ATM: variants seen among roughly 807,000 people sequenced by gnomAD.
ATM encodes the protein ATM serine/threonine kinase, also known as serine-protein kinase ATM.
ATM carries 308 observed loss-of-function variants against 387.0 expected under a neutral mutation model. The ratio of observed to expected loss-of-function variants is 0.80; its 90% CI spans 0.73 to 0.87. ATM has a LOEUF of 0.87. ATM is among the 40% of genes least tolerant of loss of function. The pLI is 0.00. For synonymous variants in ATM, 1,156 were observed against 1,187.3 expected (o/e 0.97, Z 0.54); for missense variants, 3,312 against 3,560.9 (o/e 0.93, Z 1.78).
intron 15 of ATM, among the ~76,000 whole-genome samples, chr11:108,258,290 A>T (rs1465356117): frequency 6.6e-6 from 1 of 152,256 alleles, no homozygotes. Flanking sequence ...TGAGTTTCTC[A>T]TGAAACTAAT....
intron 45 of ATM, among the ~76,000 whole-genome samples, chr11:108,321,655 C>T (rs746760631): frequency 1.3e-5 from 2 of 151,834 alleles, no homozygotes; most frequent in East Asian, 1.9e-4. Flanking sequence ...TGGTGGTGGG[C>T]GCCTGTAATC....
At chr11:108,273,328 A>ATTTTTTTTTTTTTTTTTTT (rs2081718897) in intron 22 of ATM, among the ~76,000 whole-genome samples, 1 of 106,404 alleles carries the variant, frequency 9.4e-6, no homozygotes, top group African/African-American at 4.2e-5. Flanking sequence ...TATTAATTTC[A>ATTTTTTTTTTTTTTTTTTT]TTCTTTTTTT....
intron 16 of ATM, among the ~76,000 whole-genome samples, chr11:108,261,726 A>C (rs1431904314): frequency 6.6e-6 from 1 of 152,036 alleles, no homozygotes; most frequent in African/African-American, 2.4e-5. Flanking sequence ...AAGAAGTTGA[A>C]AACTTTGAAA....
chr11:108,353,725 A>C, intron 59 of ATM, 41 bp from the exon 60 acceptor site: 1 of 1,465,360 alleles, frequency 6.8e-7, no homozygotes, highest in Non-Finnish European at 9.6e-7. Context: ...AAAGTAAATT[A>C]GCTGTCAAAC....
intron 22 of ATM, 63 bp downstream of exon 22, chr11:108,272,915 T>C (rs1310195003): frequency 1.8e-5 from 29 of 1,597,438 alleles, no homozygotes; most frequent in South Asian, 6.6e-5. Flanking sequence ...ATGTCTTACA[T>C]AGTAACAGCT....
In ATM at chr11:108,268,315, CT is replaced by C. The variant is rs4987970; in HGVS notation, c.2639-87del. ...TCACTATAATTTTGCTTTTCATATA[CT>C]TTTTTTTGTGAAGAGGAGGAAATTT... On this transcript the variant is annotated intron_variant, in intron 17 of 62. Coordinates refer to ENST00000675843, the MANE Select transcript of ATM (RefSeq NM_000051.4). The C allele has an allele frequency of 2.8e-3, 3,383 of 1,200,396 alleles. 78 individuals carry two copies. In the African/African-American group the frequency reaches 0.043, roughly 15 times the overall value. The allele number at this position is 1,200,396 out of a possible 1,614,324, so 74.4% of individuals were successfully genotyped here.
intron 13 of ATM, 131 bp from the exon 14 acceptor site, chr11:108,256,084 A>T: frequency 1.3e-6 from 1 of 772,632 alleles, no homozygotes; most frequent in South Asian, 2.2e-5. Context: ...GCTATCCAGG[A>T]TATGCCACCT....
intron 43 of ATM, 94 bp downstream of exon 43, chr11:108,317,615 TTATATATATATATATATATATATA>T (rs376158749): frequency 1.5e-4 from 33 of 215,236 alleles, no homozygotes; most frequent in Non-Finnish European, 2.1e-4. Flanking sequence ...AGGAGTTGTT[TTATATATATATATATATATATATA>T]TATATATATA....
chr11:108,227,912 C>G (rs2078827674), intron 3 of ATM, 24 bp downstream of exon 3: 1 of 1,557,562 alleles, frequency 6.4e-7, no homozygotes. Flanking sequence ...ATTTATTTTA[C>G]TGTCTTTATT....
rs1469259085 is a variant in ATM, at chr11:108,279,483, G to A, written c.3285-8G>A. 2 of 1,580,076 alleles carry A rather than the reference G, an allele frequency of 1.3e-6. No individual in the cohort carries two copies. The highest frequency in any genetic ancestry group is 1.7e-6 in the Non-Finnish European group (2 of 1,152,854). On this transcript the variant is annotated splice_region_variant and splice_polypyrimidine_tract_variant and intron_variant, in intron 22 of 62. Coordinates refer to ENST00000675843, the MANE Select transcript of ATM (RefSeq NM_000051.4). ...TTTTTGTTTGTTTGTTTGCTTGCTT[G>A]TTTTAAGATTGTTCCAGGACACGAA... is the stretch of plus-strand genomic sequence containing the variant.
chr11:108,347,452 A>T, intron 59 of ATM, 87 bp downstream of exon 59: 1 of 1,113,588 alleles, frequency 9.0e-7, no homozygotes, highest in Non-Finnish European at 1.3e-6. Context: ...TATTACAAAT[A>T]TAAGAGACAG....
chr11:108,226,080 C>G (rs1052295584), intron 1 of ATM: 5 of 152,082 alleles, frequency 3.3e-5, no homozygotes, highest in Non-Finnish European at 5.9e-5. Flanking sequence ...TAATAAAAAA[C>G]TTCTTTGTAT....
In ATM at chr11:108,324,297, A is replaced by C. The variant is rs568258226; in HGVS notation, c.6573-1013A>C. On this transcript the variant is annotated intron_variant, in intron 45 of 62. Coordinates refer to ENST00000675843, the MANE Select transcript of ATM (RefSeq NM_000051.4). ...GGGACTTTGAACATCAGCATTATCA[A>C]GGTGTCTTGGAACCAATTTTCTGCA... Among the ~76,000 whole-genome samples the C allele has an allele frequency of 1.8e-3, 271 of 152,298 alleles. 10 individuals are homozygous for C. In the South Asian group the frequency reaches 0.031, roughly 17 times the overall value.
At chr11:108,270,954 A>T in intron 18 of ATM, 110 bp from the exon 19 acceptor site, 2 of 872,204 alleles carry the variant, frequency 2.3e-6, no homozygotes, top group Non-Finnish European at 3.7e-6. Flanking sequence ...TCAGCCTCCC[A>T]AAGTGCTGGG....
chr11:108,283,406 T>C (rs2082333692), intron 25 of ATM, among the ~76,000 whole-genome samples: 1 of 152,212 alleles, frequency 6.6e-6, no homozygotes, highest in Non-Finnish European at 1.5e-5. Flanking sequence ...TTGAAACAAC[T>C]AAAAAGTAAT....
chr11:108,260,681 G>A (rs1464167801), intron 16 of ATM, among the ~76,000 whole-genome samples: 1 of 152,188 alleles, frequency 6.6e-6, no homozygotes, highest in Non-Finnish European at 1.5e-5. Flanking sequence ...AGCTCCCAGC[G>A]TGAACGACGC....
chr11:108,289,048 GC>G lies in ATM; in HGVS notation c.4182del (p.Ser1394ArgfsTer8). The G allele has an allele frequency of 6.2e-7, 1 of 1,612,906 alleles. No homozygotes were observed. The highest frequency in any genetic ancestry group is 1.1e-5 in the South Asian group (1 of 91,052). ...ATTAAAGCAACATTTGCCTATATCA[GC>G]AATTGTCATAAAACCAAGTTAAAAA... The part of the protein sequence containing the change: ...HVIKATFAYI[S>X]NCHKTKLKSI... On this transcript the variant is annotated frameshift_variant, in exon 28 of 63. Transcript: ENST00000675843. LOFTEE classifies it high-confidence loss of function.
chr11:108,297,012 T>C, intron 32 of ATM: 1 of 390,158 alleles, frequency 2.6e-6, no homozygotes, highest in East Asian at 5.6e-5. Flanking sequence ...GTGCTTCTGT[T>C]TGTGATTTTG....
At chr11:108,337,895 C>T (rs2136762112) in intron 56 of ATM, among the ~76,000 whole-genome samples, 1 of 152,350 alleles carries the variant, frequency 6.6e-6, no homozygotes, top group East Asian at 1.9e-4. Context: ...CAAGCAGATA[C>T]ACAATTGAAC....
Sources: allele counts gnomAD v4.1 joint callset (sites outside exome capture counted in the v4.1 genomes callset), GRCh38; gene constraint gnomAD v4.1.1; transcripts MANE v1.5; gene names NCBI Gene and HGNC (gene_info 2026-07-23, HGNC 2026-07-21).